BDNF: variants seen among roughly 807,000 people sequenced by gnomAD.
BDNF encodes the protein neurotrophic factor BDNF precursor form.
A neutral mutation model predicts 19.5 loss-of-function variants in BDNF; 1 was observed. That is an observed-to-expected ratio of 0.05 (90% CI 0.02 to 0.24). The LOEUF (loss-of-function observed/expected upper bound fraction) is 0.24, where lower values mean the gene tolerates loss of function less well. Among genes scored for constraint, BDNF ranks in the 10% least tolerant of loss-of-function variants. The pLI is 1.00. For missense variants in BDNF, 195 were observed against 317.6 expected (o/e 0.61, Z 2.93); for synonymous variants, 100 against 121.6 (o/e 0.82, Z 1.17).
At chr11:27,701,614 C>T, upstream of BDNF, 1 of 986,386 alleles carries the variant, frequency 1.0e-6, no homozygotes, top group Middle Eastern at 5.2e-4. Flanking sequence ...GCCCTCTCCG[C>T]GGTGAATGGG....
chr11:27,656,263 T>A lies in BDNF; in HGVS notation c.*1558A>T, dbSNP rs896767439. Reference sequence around the variant, plus strand: ...CTTCTATCTCATTGCATCAATCTCATGATCACAAATGCCACATTTGGCTCC... The same window carrying A: ...CTTCTATCTCATTGCATCAATCTCAAGATCACAAATGCCACATTTGGCTCC... On this transcript the variant is annotated 3_prime_UTR_variant, in exon 2 of 2. Coordinates refer to ENST00000356660, the MANE Select transcript of BDNF (RefSeq NM_001709.5). 1.3e-5 allele frequency: 2 copies of A among 152,400 alleles called. No individual in the cohort carries two copies. The highest frequency in any genetic ancestry group is 2.1e-4 in the South Asian group (1 of 4,838). The allele number at this position is 152,400 out of a possible 1,614,324, so 9.4% of individuals were successfully genotyped here.
upstream of BDNF, among the ~76,000 whole-genome samples, chr11:27,704,978 C>T (rs971073957): frequency 1.2e-4 from 19 of 152,018 alleles, no homozygotes; most frequent in African/African-American, 4.6e-4. Flanking sequence ...TTAGAAGGGC[C>T]AAGACTAGGA....
upstream of BDNF, chr11:27,700,844 G>A (rs1859849973): frequency 8.0e-7 from 1 of 1,243,960 alleles, no homozygotes; most frequent in South Asian, 1.4e-5. Context: ...GCTGGGGCGG[G>A]AGGGAGCGAG....
intron 1 of BDNF, chr11:27,675,049 G>T: frequency 2.7e-6 from 1 of 375,156 alleles, no homozygotes; most frequent in Non-Finnish European, 3.7e-6. Context: ...ATTATGTGGT[G>T]GAGAGGGAAT....
intron 1 of BDNF, among the ~76,000 whole-genome samples, chr11:27,682,611 A>C (rs759680327): frequency 6.6e-6 from 1 of 151,908 alleles, no homozygotes; most frequent in Non-Finnish European, 1.5e-5. Flanking sequence ...CCCAGTGTCC[A>C]TGTGTTCTCA....
At chr11:27,670,062 T>C (rs531094813) in intron 1 of BDNF, among the ~76,000 whole-genome samples, 1 of 152,010 alleles carries the variant, frequency 6.6e-6, no homozygotes. Flanking sequence ...AAAACAGAGA[T>C]ATAGACCAAT....
chr11:27,703,968 ATTT>A (rs550890417), upstream of BDNF, among the ~76,000 whole-genome samples: 786 of 152,298 alleles, frequency 5.2e-3, 7 homozygotes, highest in South Asian at 0.021. Flanking sequence ...TCTAAATATT[ATTT>A]TTTATTTGCT....
At chr11:27,688,151 G>T (rs1857738094) in intron 1 of BDNF, among the ~76,000 whole-genome samples, 1 of 152,194 alleles carries the variant, frequency 6.6e-6, no homozygotes, top group Non-Finnish European at 1.5e-5. Flanking sequence ...CAGGGGCTTT[G>T]CTGAGCTGTG....
At chr11:27,671,767 C>T (rs1855418610) in intron 1 of BDNF, among the ~76,000 whole-genome samples, 1 of 152,088 alleles carries the variant, frequency 6.6e-6, no homozygotes, top group South Asian at 2.1e-4. Flanking sequence ...GTAGAAACTT[C>T]TAAGAAATGC....
intron 1 of BDNF, chr11:27,699,489 G>A: frequency 6.2e-7 from 1 of 1,613,872 alleles, no homozygotes; most frequent in Non-Finnish European, 8.5e-7. Flanking sequence ...TTCCCTGGAG[G>A]GCGCTTCAGA....
At chr11:27,670,289 C>T (rs1390697885) in intron 1 of BDNF, among the ~76,000 whole-genome samples, 1 of 152,062 alleles carries the variant, frequency 6.6e-6, no homozygotes, top group Non-Finnish European at 1.5e-5. Flanking sequence ...CACGTTAGAC[C>T]TAAAACCATA....
intron 1 of BDNF, among the ~76,000 whole-genome samples, chr11:27,669,283 A>G (rs1854918650): frequency 6.6e-6 from 1 of 152,212 alleles, no homozygotes; most frequent in South Asian, 2.1e-4. Context: ...ATTCACGACA[A>G]ACCCACAGCC....
chr11:27,719,451 G>A, intron 1 of BDNF: 2 of 986,186 alleles, frequency 2.0e-6, no homozygotes, highest in Non-Finnish European at 2.4e-6. Context: ...GGTCCGGAAA[G>A]GACCTTCTAC....
At position 27,721,261 on chromosome 11, in the gene BDNF, T is replaced by C; in HGVS notation, c.3+151A>G. ...TGTGTCAAATCTCAAATGATTCCAA[T>C]TAAAGTTGCACTGTGTAAAAACCCG... is the stretch of plus-strand genomic sequence containing the variant. On this transcript the variant is annotated intron_variant, in intron 1 of 1. Transcript: ENST00000314915. 4 of 864,292 alleles carry C rather than the reference T, an allele frequency of 4.6e-6. No individual in the cohort carries two copies. The South Asian group carries it at 5.7e-5, about 12-fold the overall frequency. 53.5% of individuals were successfully genotyped at this position (864,292 alleles called of 1,614,324 possible).
At chr11:27,699,268 C>T in intron 1 of BDNF, 2 of 1,454,066 alleles carry the variant, frequency 1.4e-6, no homozygotes, top group Non-Finnish European at 9.6e-7. Flanking sequence ...ACCCTCGCAG[C>T]CCCGAGGCTT....
chr11:27,660,916 T>C (rs1482311284), intron 1 of BDNF, among the ~76,000 whole-genome samples: 2 of 152,154 alleles, frequency 1.3e-5, no homozygotes, highest in Non-Finnish European at 2.9e-5. Flanking sequence ...CAGTAATGAG[T>C]CTTTGAATGA....
rs1383856828 is a variant in BDNF at position 27,672,432 on chromosome 11, G to A, written c.-21-13847C>T. On this transcript the variant is annotated intron_variant, in intron 1 of 1. Transcript: ENST00000356660. ...TTTCAGCCAGATGTCTCTGGTCCTTGTGAGTTCCTTTCGTCCTTAATGGTG... is the reference window on the plus strand; with the variant it reads ...TTTCAGCCAGATGTCTCTGGTCCTTATGAGTTCCTTTCGTCCTTAATGGTG... Among the ~76,000 whole-genome samples, 7 of 152,198 alleles carry A rather than the reference G, an allele frequency of 4.6e-5. No individual in the cohort carries two copies. In the South Asian group the frequency reaches 1.2e-3, roughly 27 times the overall value.
intron 1 of BDNF, chr11:27,674,611 C>A (rs879391413): frequency 1.0e-6 from 1 of 985,056 alleles, no homozygotes; most frequent in Non-Finnish European, 1.2e-6. Flanking sequence ...ATATGGCTGG[C>A]CAGAAAATAT....
At chr11:27,699,544 G>A (rs1258012789) in intron 1 of BDNF, 25 of 1,584,776 alleles carry the variant, frequency 1.6e-5, no homozygotes, top group Non-Finnish European at 2.0e-5. Flanking sequence ...GCCTGCCCGA[G>A]AGTGTCGCAG....
Sources: allele counts gnomAD v4.1 joint callset (sites outside exome capture counted in the v4.1 genomes callset), GRCh38; gene constraint gnomAD v4.1.1; transcripts MANE v1.5; gene names NCBI Gene and HGNC (gene_info 2026-07-23, HGNC 2026-07-21).